The following LGI4 variants were observed in gnomAD, a reference collection of about 807,000 sequenced individuals.
The protein encoded by LGI4 is leucine rich repeat LGI family member 4.
LGI4 carries 36 observed loss-of-function variants against 48.3 expected under a neutral mutation model. That is an observed-to-expected ratio of 0.75 (90% CI 0.57 to 0.98). The LOEUF is 0.98. LGI4 is among the 50% of genes least tolerant of loss of function. The probability of loss-of-function intolerance (pLI) is 0.00; values close to 1 mark genes in which losing one functional copy is unlikely to be tolerated. For missense variants in LGI4, 701 were observed against 732.1 expected, an observed-to-expected ratio of 0.96 and a Z score of 0.49; for synonymous variants, 355 against 331.6, an observed-to-expected ratio of 1.07 and a Z score of -0.77.
In LGI4 at chr19:35,126,786, G is replaced by A. The variant is rs1157101521; in HGVS notation, c.794-11C>T. 1 of 1,566,468 alleles carries A rather than the reference G, an allele frequency of 6.4e-7. No homozygotes were observed. Among genetic ancestry groups the A allele is most frequent in the East Asian group, 2.4e-5 (1 of 42,518 alleles). ...ACACCACGGAGGCCGCTGTGGGGAG[G>A]TGGGGAGGCAGGTCAGGCCAGCCAG... On this transcript the variant is annotated splice_polypyrimidine_tract_variant and intron_variant, in intron 7 of 8. Transcript: ENST00000310123.
At chr19:35,134,465 G>A in intron 1 of LGI4, 46 bp downstream of exon 1, 3 of 1,549,594 alleles carry the variant, frequency 1.9e-6, no homozygotes, top group Non-Finnish European at 2.6e-6. Flanking sequence ...TGGGGTCCCA[G>A]GACTTCCGTC....
rs1475787678 is a variant in LGI4 at position 35,134,096 on chromosome 19, A to T, written c.179T>A (p.Val60Asp). 6.4e-7 allele frequency: 1 copy of T among 1,564,812 alleles called. No individual in the cohort carries two copies. ...CTTCAGCTGGGTGACTCCCGTCCTG[A>T]CGAGTGAGCTGGGGATGTGGGCAGT... ...FSPTLLSLSL[V>D]RTGVTQLKAG... is the part of the protein sequence containing the mutation. The change falls in exon 2 of 9, where the codon GTC (valine) becomes GAC (aspartate). Residue 60 changes from valine (V) to aspartate (D), a missense_variant. Val to Asp is a radical substitution (Grantham distance 152, BLOSUM62 -3). This residue lies in a region of LGI4 where 462 missense variants were observed against 436.4 expected (regional missense o/e 1.06). Transcript: ENST00000310123.
At position 35,134,676 on chromosome 19, in the gene LGI4, C is replaced by G; in HGVS notation, c.5G>C (p.Gly2Ala). M[G>A]GAGILLLLLA... Reference sequence around the variant, plus strand: ...CAGCAGCAGCAGAATGCCTGCCCCTCCCATGCCCCCACCCCCACTCTGAGG... The same window carrying G: ...CAGCAGCAGCAGAATGCCTGCCCCTGCCATGCCCCCACCCCCACTCTGAGG... Residue 2 changes from glycine (G) to alanine (A), a missense_variant, in exon 1 of 9, where the codon GGA becomes GCA. Physicochemically the swap from Gly to Ala is moderately conservative, Grantham distance 60. Transcript: ENST00000310123. The G allele has an allele frequency of 6.9e-7, 1 of 1,458,678 alleles. No homozygotes were observed. Among genetic ancestry groups the G allele is most frequent in the Non-Finnish European group, 9.3e-7 (1 of 1,073,992 alleles). The allele number at this position is 1,458,678 out of a possible 1,614,324, so 90.4% of individuals were successfully genotyped here.
chr19:35,131,963 G>T lies in LGI4; in HGVS notation c.386+8C>A. 6.3e-7 allele frequency: 1 copy of T among 1,586,340 alleles called. No homozygotes were observed. Among genetic ancestry groups the T allele is most frequent in the Non-Finnish European group, 8.6e-7 (1 of 1,165,760 alleles). On this transcript the variant is annotated splice_region_variant and intron_variant, in intron 4 of 8. Coordinates refer to ENST00000310123, the MANE Select transcript of LGI4 (RefSeq NM_139284.3). ...CTCATGGAGGGCTGGGGCGGTGGAG[G>T]CACGCACAGGTGTGTAAGCGAGCGA... is the stretch of plus-strand genomic sequence containing the variant.
chr19:35,126,631 C>T lies in LGI4; in HGVS notation c.938G>A (p.Arg313Gln), dbSNP rs935428099. 53 of 1,540,040 alleles carry T rather than the reference C, an allele frequency of 3.4e-5. No individual in the cohort carries two copies. The highest frequency in any genetic ancestry group is 4.5e-5 in the Non-Finnish European group (52 of 1,148,870). Residue 313 changes from arginine (R) to glutamine (Q), a missense_variant, in exon 8 of 9, where the codon CGG becomes CAG. Arg to Gln is a conservative substitution (Grantham distance 43). Coordinates refer to ENST00000310123, the MANE Select transcript of LGI4 (RefSeq NM_139284.3). ...CTCGGCGTCATTGGGCCGCAGCAGC[C>T]GCCGCGGGGCCAGGGTCTGCGTTGG... Reference protein sequence around the residue: ...LAPTQTLAPRRLLRPNDAELL... With the variant: ...LAPTQTLAPRQLLRPNDAELL...
intron 8 of LGI4, chr19:35,125,731 C>G (rs1368680918): frequency 4.3e-6 from 3 of 694,576 alleles, no homozygotes; most frequent in Non-Finnish European, 7.9e-6. Context: ...GTCAGTTTCA[C>G]CTTCTACAGT....
chr19:35,128,029 G>A (rs888100016), intron 6 of LGI4, among the ~76,000 whole-genome samples: 5 of 152,184 alleles, frequency 3.3e-5, no homozygotes, highest in Non-Finnish European at 7.3e-5. Context: ...TGAGTGTAAT[G>A]AGCCACCACA....
chr19:35,134,486 G>A, intron 1 of LGI4, 25 bp downstream of exon 1: 1 of 1,564,786 alleles, frequency 6.4e-7, no homozygotes, highest in Non-Finnish European at 8.7e-7. Flanking sequence ...CCCACCTTCG[G>A]GCATGCAGAA....
chr19:35,132,500 A>G (rs2065182889), intron 3 of LGI4, among the ~76,000 whole-genome samples: 1 of 151,898 alleles, frequency 6.6e-6, no homozygotes, highest in Admixed American at 6.6e-5. Flanking sequence ...CATCATCTGT[A>G]ATGACCAACC....
chr19:35,133,627 C>A, intron 3 of LGI4, 66 bp downstream of exon 3: 5 of 1,521,540 alleles, frequency 3.3e-6, no homozygotes, highest in Non-Finnish European at 4.5e-6. Flanking sequence ...TCCCCCTACT[C>A]TGGGAGCCAC....
At chr19:35,129,356 G>A (rs2065160434) in intron 6 of LGI4, among the ~76,000 whole-genome samples, 1 of 151,530 alleles carries the variant, frequency 6.6e-6, no homozygotes, top group South Asian at 2.1e-4. Flanking sequence ...TACATGTTGT[G>A]GGGGAAAGGA....
chr19:35,127,046 C>T, intron 6 of LGI4, 29 bp from the exon 7 acceptor site: 1 of 1,539,534 alleles, frequency 6.5e-7, no homozygotes, highest in Non-Finnish European at 8.7e-7. Context: ...GTCAGGCAGG[C>T]CCCAGGACCC....
chr19:35,127,632 C>T (rs920495144), intron 6 of LGI4, among the ~76,000 whole-genome samples: 35 of 151,810 alleles, frequency 2.3e-4, no homozygotes, highest in African/African-American at 7.0e-4. Flanking sequence ...ATAATCTGCC[C>T]GCCTCGGCCT....
In LGI4 at chr19:35,134,833, C is replaced by T. The variant is rs976764240; in HGVS notation, c.-153G>A. 2 of 556,984 alleles carry T rather than the reference C, an allele frequency of 3.6e-6. No individual in the cohort carries two copies. Among genetic ancestry groups the T allele is most frequent in the East Asian group, 3.2e-5 (1 of 31,582 alleles). The allele number at this position is 556,984 out of a possible 1,614,324, so 34.5% of individuals were successfully genotyped here. A position where few individuals can be genotyped will look rare whatever the true frequency, so the allele number is the denominator to read the frequency against. On this transcript the variant is annotated 5_prime_UTR_variant, in exon 1 of 9. Coordinates refer to ENST00000310123, the MANE Select transcript of LGI4 (RefSeq NM_139284.3). ...TCCTCTTCTCCGTCTTTCTTTCAGT[C>T]GGCCTTCCTCCCTGTTCGTATGTCT... is the stretch of plus-strand genomic sequence containing the variant.
chr19:35,130,655 C>T (rs2145365471), intron 6 of LGI4, among the ~76,000 whole-genome samples: 1 of 152,306 alleles, frequency 6.6e-6, no homozygotes, highest in South Asian at 2.1e-4. Context: ...TATGATGGCG[C>T]CATTGCACTC....
At chr19:35,133,917 C>T in intron 2 of LGI4, 116 bp downstream of exon 2, 2 of 1,280,034 alleles carry the variant, frequency 1.6e-6, no homozygotes, top group Non-Finnish European at 2.2e-6. Context: ...TGTGCATACA[C>T]CCCCACACAC....
intron 6 of LGI4, among the ~76,000 whole-genome samples, chr19:35,129,330 A>T (rs925916340): frequency 7.9e-5 from 12 of 151,200 alleles, no homozygotes; most frequent in Non-Finnish European, 1.6e-4. Context: ...ATATATAATT[A>T]TATATATATT....
chr19:35,133,158 G>A (rs2065186847), intron 3 of LGI4, among the ~76,000 whole-genome samples: 1 of 151,960 alleles, frequency 6.6e-6, no homozygotes, highest in Admixed American at 6.6e-5. Flanking sequence ...TCCCATGTCA[G>A]CAGCAGCAAC....
chr19:35,134,691 C>A lies in LGI4; in HGVS notation c.-11G>T. On this transcript the variant is annotated 5_prime_UTR_variant, in exon 1 of 9. Transcript: ENST00000310123. ...GCCTGCCCCTCCCATGCCCCCACCC[C>A]CACTCTGAGGCACCCGCTTCTCCCG... 1 of 1,407,466 alleles carries A rather than the reference C, an allele frequency of 7.1e-7. No individual in the cohort carries two copies. Among genetic ancestry groups the A allele is most frequent in the East Asian group, 2.4e-5 (1 of 41,426 alleles). 87.2% of individuals were successfully genotyped at this position (1,407,466 alleles called of 1,614,324 possible).
Sources: allele counts gnomAD v4.1 joint callset (sites outside exome capture counted in the v4.1 genomes callset), GRCh38; gene constraint gnomAD v4.1.1; regional missense constraint gnomAD v4.1.1; transcripts MANE v1.5; gene names NCBI Gene and HGNC (gene_info 2026-07-23, HGNC 2026-07-21).